HDAC9: variants seen among roughly 807,000 people sequenced by gnomAD.
The protein encoded by HDAC9 is histone deacetylase 9.
HDAC9 carries 41 observed loss-of-function variants against 139.4 expected under a neutral mutation model. The observed-to-expected ratio is 0.29, with a 90% CI of 0.23 to 0.38. HDAC9 has a LOEUF of 0.38. Ranked by LOEUF, HDAC9 falls within the 10% of genes least tolerant of loss-of-function variation. The pLI is 1.00. For synonymous variants in HDAC9, 517 were observed against 476.2 expected, an observed-to-expected ratio of 1.09 and a Z score of -1.12; for missense variants, 1,147 against 1,297.0, an observed-to-expected ratio of 0.88 and a Z score of 1.78.
chr7:18,723,693 T>C (rs1001407717), intron 12 of HDAC9, among the ~76,000 whole-genome samples: 11 of 147,018 alleles, frequency 7.5e-5, no homozygotes, highest in African/African-American at 2.7e-4. Flanking sequence ...GAAGCTCAAG[T>C]AGAACAATAC....
At chr7:18,916,476 A>G (rs1286636967) in intron 22 of HDAC9, among the ~76,000 whole-genome samples, 1 of 152,016 alleles carries the variant, frequency 6.6e-6, no homozygotes, top group Admixed American at 6.6e-5. Flanking sequence ...TTATGTGGCT[A>G]ATGAGATAGA....
At chr7:18,822,676 G>A (rs1424957743) in intron 17 of HDAC9, among the ~76,000 whole-genome samples, 1 of 152,098 alleles carries the variant, frequency 6.6e-6, no homozygotes, top group Non-Finnish European at 1.5e-5. Context: ...TTATGTCATA[G>A]GTGAACAGAG....
At chr7:18,385,336 A>G (rs938531442) in intron 1 of HDAC9, among the ~76,000 whole-genome samples, 1 of 146,320 alleles carries the variant, frequency 6.8e-6, no homozygotes, top group African/African-American at 2.4e-5. Context: ...GTGTGCTTCT[A>G]AAATCATATC....
At chr7:18,431,261 A>G (rs1216896504) in intron 1 of HDAC9, among the ~76,000 whole-genome samples, 1 of 152,200 alleles carries the variant, frequency 6.6e-6, no homozygotes, top group Non-Finnish European at 1.5e-5. Flanking sequence ...ATGCGAAATA[A>G]TATATTAAAT....
chr7:18,895,970 A>C (rs868141744), intron 22 of HDAC9, among the ~76,000 whole-genome samples: 1 of 152,132 alleles, frequency 6.6e-6, no homozygotes, highest in Non-Finnish European at 1.5e-5. Flanking sequence ...TGACTATACA[A>C]GCATAAAGAA....
intron 1 of HDAC9, among the ~76,000 whole-genome samples, chr7:18,120,199 G>A (rs550488266): frequency 6.6e-6 from 1 of 152,274 alleles, no homozygotes; most frequent in East Asian, 1.9e-4. Flanking sequence ...AGTGCTACTG[G>A]CATCTAGTGG....
intron 6 of HDAC9, among the ~76,000 whole-genome samples, chr7:18,595,391 G>A (rs1832184945): frequency 6.6e-6 from 1 of 152,070 alleles, no homozygotes; most frequent in African/African-American, 2.4e-5. Flanking sequence ...AAAGCAAAAT[G>A]TGAGCCTCTA....
At chr7:18,332,361 A>ATG (rs33993916) in intron 1 of HDAC9, among the ~76,000 whole-genome samples, 1,451 of 134,680 alleles carry the variant, frequency 0.011, 13 homozygotes, top group African/African-American at 0.029. Context: ...GCATGCGCAC[A>ATG]TGTGTGTGTG....
At chr7:18,949,511 G>C (rs1044905742) in intron 23 of HDAC9, 1 of 216,126 alleles carries the variant, frequency 4.6e-6, no homozygotes, top group Admixed American at 4.2e-5. Flanking sequence ...ACTGTTGGCT[G>C]TACAGACATT....
intron 11 of HDAC9, among the ~76,000 whole-genome samples, chr7:18,659,316 G>A (rs1792388525): frequency 6.6e-6 from 1 of 152,100 alleles, no homozygotes; most frequent in Non-Finnish European, 1.5e-5. Flanking sequence ...ATTAGTGACA[G>A]TCTTTAATTA....
chr7:18,597,528 G>C (rs976325053), intron 6 of HDAC9, among the ~76,000 whole-genome samples: 3 of 152,106 alleles, frequency 2.0e-5, no homozygotes, highest in Admixed American at 1.3e-4. Flanking sequence ...GGAAGTTTTG[G>C]AAATAGTACA....
intron 2 of HDAC9, among the ~76,000 whole-genome samples, chr7:18,234,128 T>C (rs543093398): frequency 7.4e-4 from 113 of 152,318 alleles, no homozygotes; most frequent in Non-Finnish European, 1.2e-3. Flanking sequence ...GAGAGCTTTC[T>C]CCCTTCCAGA....
rs113458467 is a variant in HDAC9 at position 18,989,992 on chromosome 7, C to G, written c.3171-6031C>G. Reference sequence around the variant, plus strand: ...CAAAGTTTTCAACTTCTTTGCCTTTCGTTTGAATGTCCTCCCGTAGCTCAG... The same window carrying G: ...CAAAGTTTTCAACTTCTTTGCCTTTGGTTTGAATGTCCTCCCGTAGCTCAG... On this transcript the variant is annotated intron_variant, in intron 25 of 25. Coordinates refer to ENST00000686413, the MANE Select transcript of HDAC9 (RefSeq NM_178425.4). Among the ~76,000 whole-genome samples the G allele has an allele frequency of 8.2e-3, 1,244 of 151,864 alleles. 5 individuals carry two copies. Among genetic ancestry groups the G allele is most frequent in the Middle Eastern group, 0.027 (8 of 294 alleles).
chr7:18,388,619 T>G (rs1237136086), intron 1 of HDAC9, among the ~76,000 whole-genome samples: 2 of 152,170 alleles, frequency 1.3e-5, no homozygotes, highest in Non-Finnish European at 2.9e-5. Flanking sequence ...GAAAAGTTGT[T>G]CTAAATGTAG....
At position 18,274,680 on chromosome 7, in the gene HDAC9, C is replaced by T. The variant is rs1056973546; in HGVS notation, c.25+112331C>T. Among the ~76,000 whole-genome samples, 16 of 152,168 alleles carry T rather than the reference C, an allele frequency of 1.1e-4. 1 individual carries two copies. The South Asian group carries it at 1.9e-3, about 18-fold the overall frequency. ...ATTTTTATGCAATGGAATATTATGT[C>T]GGTCTGAGAAAGAATGAACTAGGGA... is the stretch of plus-strand genomic sequence containing the variant. On this transcript the variant is annotated intron_variant, in intron 2 of 12. Transcript: ENST00000417496.
intron 1 of HDAC9, among the ~76,000 whole-genome samples, chr7:18,435,377 A>T (rs918536760): frequency 6.6e-6 from 1 of 152,062 alleles, no homozygotes; most frequent in Non-Finnish European, 1.5e-5. Flanking sequence ...CCTATGTAAC[A>T]AACCTGCACA....
chr7:18,261,162 G>A (rs1795653732), intron 2 of HDAC9, among the ~76,000 whole-genome samples: 1 of 151,816 alleles, frequency 6.6e-6, no homozygotes, highest in African/African-American at 2.4e-5. Flanking sequence ...AAAAAAATTG[G>A]GTGTGCATGG....
chr7:18,234,852 C>A (rs1174416468), intron 2 of HDAC9, among the ~76,000 whole-genome samples: 4 of 152,188 alleles, frequency 2.6e-5, no homozygotes, highest in Non-Finnish European at 5.9e-5. Context: ...TCAGGGGAGG[C>A]ACACCTGTGG....
At chr7:18,826,710 C>A (rs181028936) in intron 17 of HDAC9, among the ~76,000 whole-genome samples, 1 of 114,306 alleles carries the variant, frequency 8.7e-6, no homozygotes, top group African/African-American at 3.7e-5. Flanking sequence ...TATGAGATTT[C>A]ATTTCCATTT....
Sources: allele counts gnomAD v4.1 joint callset (sites outside exome capture counted in the v4.1 genomes callset), GRCh38; gene constraint gnomAD v4.1.1; transcripts MANE v1.5; gene names NCBI Gene and HGNC (gene_info 2026-07-23, HGNC 2026-07-21).